SPATA6: variants seen among roughly 807,000 people sequenced by gnomAD.
SPATA6 encodes the protein spermatogenesis-associated protein 6.
A neutral mutation model predicts 65.3 loss-of-function variants in SPATA6; 56 were observed. The observed-to-expected ratio is 0.86, with a 90% CI of 0.69 to 1.07. The LOEUF is 1.07. SPATA6 is among the 50% of genes least tolerant of loss of function. SPATA6 has a pLI of 0.00. For missense variants in SPATA6, 590 were observed against 594.8 expected (o/e 0.99, Z 0.08); for synonymous variants, 199 against 213.2 (o/e 0.93, Z 0.58).
At chr1:48,338,891 T>A (rs1646131469) in intron 11 of SPATA6, among the ~76,000 whole-genome samples, 1 of 151,942 alleles carries the variant, frequency 6.6e-6, no homozygotes, top group Non-Finnish European at 1.5e-5. Context: ...AAAGAACCGA[T>A]GAGTTGACAT....
In SPATA6 at chr1:48,383,382, G is replaced by C. The variant is rs76183290; in HGVS notation, c.909+1927C>G. Among the ~76,000 whole-genome samples the C allele has an allele frequency of 5.5e-5, 3 of 54,288 alleles. 1 individual carries two copies. Among genetic ancestry groups the C allele is most frequent in the Non-Finnish European group, 1.3e-4 (3 of 23,044 alleles). 35.6% of individuals were successfully genotyped at this position (54,288 alleles called of 152,430 possible). A position where few individuals can be genotyped will look rare whatever the true frequency, so the allele number is the denominator to read the frequency against. On this transcript the variant is annotated intron_variant, in intron 9 of 12. Coordinates refer to ENST00000371847, the MANE Select transcript of SPATA6 (RefSeq NM_019073.4). ...CGCCACCTCCCTCCCGGATGGGGCG[G>C]CTGGCCAGGCAGAGGGGCTCCTCAC... is the stretch of plus-strand genomic sequence containing the variant.
chr1:48,456,260 G>A (rs544347469), intron 1 of SPATA6, among the ~76,000 whole-genome samples: 38 of 152,220 alleles, frequency 2.5e-4, no homozygotes, highest in Non-Finnish European at 3.8e-4. Context: ...CACTCTTTAG[G>A]AGAACATAAA....
At chr1:48,387,526 A>G (rs1649603762) in intron 8 of SPATA6, among the ~76,000 whole-genome samples, 1 of 152,174 alleles carries the variant, frequency 6.6e-6, no homozygotes, top group East Asian at 1.9e-4. Context: ...GTAGCAGGGC[A>G]GAAGTACAGA....
At chr1:48,348,559 G>C (rs944027202) in intron 11 of SPATA6, among the ~76,000 whole-genome samples, 1 of 151,640 alleles carries the variant, frequency 6.6e-6, no homozygotes, top group African/African-American at 2.4e-5. Flanking sequence ...TGTTAATCTT[G>C]TACTTTCCCT....
intron 3 of SPATA6, chr1:48,435,912 C>T: frequency 1.3e-6 from 2 of 1,527,114 alleles, no homozygotes; most frequent in Non-Finnish European, 1.8e-6. Context: ...AAAACAAAAG[C>T]CTTCTTTGGA....
In SPATA6 at chr1:48,298,390, C is replaced by A; in HGVS notation, c.*323G>T. On this transcript the variant is annotated 3_prime_UTR_variant, in exon 13 of 13. Coordinates refer to ENST00000371847, the MANE Select transcript of SPATA6 (RefSeq NM_019073.4). Reference sequence around the variant, plus strand: ...TGCAAGGTGAGTAAGGCAAAAAAAACATTTCTAGAAAGGAACTATTCTTGG... The same window carrying A: ...TGCAAGGTGAGTAAGGCAAAAAAAAAATTTCTAGAAAGGAACTATTCTTGG... The A allele has an allele frequency of 5.7e-6, 1 of 175,802 alleles. No homozygotes were observed. The highest frequency in any genetic ancestry group is 6.2e-5 in the Admixed American group (1 of 16,018). The allele number at this position is 175,802 out of a possible 1,614,324, so 10.9% of individuals were successfully genotyped here. A position where few individuals can be genotyped will look rare whatever the true frequency, so the allele number is the denominator to read the frequency against.
At chr1:48,313,831 A>C (rs1186054526) in intron 11 of SPATA6, among the ~76,000 whole-genome samples, 1 of 152,198 alleles carries the variant, frequency 6.6e-6, no homozygotes, top group Admixed American at 6.5e-5. Flanking sequence ...ATAGGCTCAA[A>C]ATAAAGGGAT....
chr1:48,279,815 C>G, the SPATA6 span, among the ~76,000 whole-genome samples: 1 of 152,162 alleles, frequency 6.6e-6, no homozygotes, highest in South Asian at 2.1e-4. Flanking sequence ...TTGAAGTCAG[C>G]TCTGCACCAA....
At chr1:48,384,001 T>C (rs1204240379) in intron 9 of SPATA6, among the ~76,000 whole-genome samples, 3 of 150,604 alleles carry the variant, frequency 2.0e-5, no homozygotes, top group African/African-American at 7.4e-5. Context: ...TGGGAGGTGG[T>C]TGCAGCGAGC....
At chr1:48,359,816 T>C in intron 9 of SPATA6, 46 bp from the exon 10 acceptor site, 2 of 1,443,390 alleles carry the variant, frequency 1.4e-6, no homozygotes, top group Non-Finnish European at 1.9e-6. Context: ...TACAGATACA[T>C]ATGTATATAA....
intron 6 of SPATA6, among the ~76,000 whole-genome samples, chr1:48,400,563 C>G (rs1428410685): frequency 6.6e-6 from 1 of 151,978 alleles, no homozygotes; most frequent in Non-Finnish European, 1.5e-5. Flanking sequence ...TAACTTTAAT[C>G]ACTTTTAAAA....
At position 48,296,069 on chromosome 1, in the gene SPATA6, T is replaced by C. The variant is rs1236914277; in HGVS notation, c.*2644A>G. The C allele has an allele frequency of 6.6e-6, 1 of 151,594 alleles. No homozygotes were observed. Among genetic ancestry groups the C allele is most frequent in the African/African-American group, 2.4e-5 (1 of 41,276 alleles). 9.4% of individuals were successfully genotyped at this position (151,594 alleles called of 1,614,324 possible). A position where few individuals can be genotyped will look rare whatever the true frequency, so the allele number is the denominator to read the frequency against. On this transcript the variant is annotated 3_prime_UTR_variant, in exon 13 of 13. Coordinates refer to ENST00000371847, the MANE Select transcript of SPATA6 (RefSeq NM_019073.4). Reference sequence around the variant, plus strand: ...CTAAATCCCAAGGTTTTTTATGATTTAAAGAAAAAAATTAAAAAGTAAAAA... The same window carrying C: ...CTAAATCCCAAGGTTTTTTATGATTCAAAGAAAAAAATTAAAAAGTAAAAA...
intron 3 of SPATA6, chr1:48,436,654 C>T: frequency 6.2e-7 from 1 of 1,614,160 alleles, no homozygotes; most frequent in Admixed American, 1.7e-5. Flanking sequence ...CACATCAGTG[C>T]AGCCGTGGCT....
intron 9 of SPATA6, among the ~76,000 whole-genome samples, chr1:48,382,634 C>CT (rs1648834500): frequency 1.6e-5 from 1 of 61,608 alleles, no homozygotes; most frequent in Non-Finnish European, 3.8e-5. Context: ...GGCCGACCCC[C>CT]CCCCCCCCGC....
chr1:48,469,773 GT>G (rs1258127590), intron 1 of SPATA6, among the ~76,000 whole-genome samples: 1 of 149,742 alleles, frequency 6.7e-6, no homozygotes, highest in African/African-American at 2.5e-5. Context: ...AATCAAACAT[GT>G]TTAACTTTTA....
chr1:48,283,486 C>G, the SPATA6 span, among the ~76,000 whole-genome samples: 2 of 150,714 alleles, frequency 1.3e-5, no homozygotes, highest in Non-Finnish European at 3.0e-5. Flanking sequence ...TGAGACCATC[C>G]TGGCCAACAT....
At chr1:48,429,108 C>G (rs1343583364) in intron 3 of SPATA6, among the ~76,000 whole-genome samples, 2 of 151,352 alleles carry the variant, frequency 1.3e-5, no homozygotes, top group Admixed American at 6.6e-5. Flanking sequence ...TAGGAGCAAC[C>G]TGCACACAGG....
intron 8 of SPATA6, 77 bp downstream of exon 8, chr1:48,395,190 G>C: frequency 2.7e-6 from 3 of 1,119,426 alleles, no homozygotes; most frequent in Non-Finnish European, 3.7e-6. Context: ...TTCTGTTTTT[G>C]TTAATTGATG....
At chr1:48,441,873 G>A (rs544503725) in intron 3 of SPATA6, among the ~76,000 whole-genome samples, 18 of 152,304 alleles carry the variant, frequency 1.2e-4, no homozygotes, top group African/African-American at 4.3e-4. Flanking sequence ...CATACTAGGT[G>A]CCAAAGGAAG....
Sources: allele counts gnomAD v4.1 joint callset (sites outside exome capture counted in the v4.1 genomes callset), GRCh38; gene constraint gnomAD v4.1.1; transcripts MANE v1.5; gene names NCBI Gene and HGNC (gene_info 2026-07-23, HGNC 2026-07-21).